Variants in CTNNA2 observed in about 807,000 individuals in gnomAD.
The protein encoded by CTNNA2 is catenin alpha 2, also known as catenin alpha-2.
Under a neutral mutation model 101.0 loss-of-function variants are expected in CTNNA2, and 42 were observed. That is an observed-to-expected ratio of 0.42 (90% confidence interval 0.32 to 0.54). CTNNA2 has a LOEUF of 0.54. CTNNA2 is among the 20% of genes least tolerant of loss of function. The pLI, the probability that CTNNA2 is intolerant of heterozygous loss-of-function variation, is 0.14. For missense variants in CTNNA2, 871 were observed against 1,223.1 expected, an observed-to-expected ratio of 0.71 and a Z score of 4.29; for synonymous variants, 450 against 456.4, an observed-to-expected ratio of 0.99 and a Z score of 0.18.
At chr2:79,740,830 G>GTT (rs10635044) in intron 2 of CTNNA2, among the ~76,000 whole-genome samples, 23,819 of 148,376 alleles carry the variant, frequency 0.16, 2,349 homozygotes, top group Non-Finnish European at 0.23. Context: ...ATTTGAAGAA[G>GTT]TTTTTTTTTT....
At chr2:79,699,052 G>A (rs1684823357) in intron 2 of CTNNA2, among the ~76,000 whole-genome samples, 1 of 152,030 alleles carries the variant, frequency 6.6e-6, no homozygotes, top group South Asian at 2.1e-4. Context: ...TTGTTAGATT[G>A]TGATTTGGCT....
chr2:80,267,407 A>G (rs1673084433), intron 7 of CTNNA2, among the ~76,000 whole-genome samples: 1 of 152,238 alleles, frequency 6.6e-6, no homozygotes, highest in Admixed American at 6.5e-5. Context: ...ATTTGCTGAC[A>G]GCAAAATCTT....
At chr2:80,516,284 A>G (rs1360422582) in intron 9 of CTNNA2, among the ~76,000 whole-genome samples, 1 of 152,222 alleles carries the variant, frequency 6.6e-6, no homozygotes, top group Non-Finnish European at 1.5e-5. Flanking sequence ...GAGAGATGGA[A>G]GATAACAGAA....
At chr2:80,098,238 G>A (rs898631070) in intron 7 of CTNNA2, among the ~76,000 whole-genome samples, 2 of 152,198 alleles carry the variant, frequency 1.3e-5, no homozygotes, top group Admixed American at 1.3e-4. Context: ...AGGACCCTCA[G>A]CTGCAGGTCT....
chr2:79,866,418 A>T (rs900371139), intron 4 of CTNNA2: 3 of 152,214 alleles, frequency 2.0e-5, no homozygotes, highest in African/African-American at 7.2e-5. Flanking sequence ...AATGTCCAAG[A>T]TCATGAGGGC....
chr2:79,764,265 C>T (rs555463440), intron 3 of CTNNA2, among the ~76,000 whole-genome samples: 1 of 152,158 alleles, frequency 6.6e-6, no homozygotes, highest in African/African-American at 2.4e-5. Context: ...AAAGAATGTT[C>T]TCTTCCAAAT....
chr2:79,538,937 T>A (rs1224001580), intron 1 of CTNNA2, among the ~76,000 whole-genome samples: 1 of 152,188 alleles, frequency 6.6e-6, no homozygotes, highest in African/African-American at 2.4e-5. Context: ...TGAGGCCTTA[T>A]GAAGACCTGA....
intron 3 of CTNNA2, chr2:79,340,186 A>T (rs1046374972): frequency 1.3e-5 from 2 of 152,180 alleles, no homozygotes; most frequent in Non-Finnish European, 2.9e-5. Flanking sequence ...TCATGAGTAG[A>T]TGCTGATGAG....
At chr2:79,397,756 T>C (rs1247542976) in intron 4 of CTNNA2, among the ~76,000 whole-genome samples, 1 of 152,072 alleles carries the variant, frequency 6.6e-6, no homozygotes, top group Non-Finnish European at 1.5e-5. Flanking sequence ...CTCAAACTCC[T>C]GGGCTCAAGC....
At chr2:80,463,156 T>C (rs1684588383) in intron 9 of CTNNA2, among the ~76,000 whole-genome samples, 1 of 152,200 alleles carries the variant, frequency 6.6e-6, no homozygotes, top group Non-Finnish European at 1.5e-5. Flanking sequence ...CTAAATACTG[T>C]CTGACAAATC....
chr2:79,548,422 T>A (rs1042416666), intron 1 of CTNNA2, among the ~76,000 whole-genome samples: 1 of 152,236 alleles, frequency 6.6e-6, no homozygotes, highest in Non-Finnish European at 1.5e-5. Context: ...CCTTTCCATT[T>A]CTTCCATTTT....
chr2:80,298,238 T>C (rs1285152949), intron 7 of CTNNA2: 3 of 152,184 alleles, frequency 2.0e-5, no homozygotes, highest in Non-Finnish European at 4.4e-5. Context: ...GGTCATATTC[T>C]AGCTAATTCC....
chr2:79,292,346 T>C (rs1297391155), intron 2 of CTNNA2, among the ~76,000 whole-genome samples: 1 of 152,196 alleles, frequency 6.6e-6, no homozygotes, highest in Non-Finnish European at 1.5e-5. Flanking sequence ...CTGAATGCCA[T>C]AGTTCACTCT....
At chr2:80,618,369 T>A (rs1260115119) in intron 17 of CTNNA2, among the ~76,000 whole-genome samples, 1 of 151,662 alleles carries the variant, frequency 6.6e-6, no homozygotes, top group Admixed American at 6.6e-5. Context: ...AGTTGTATAT[T>A]TGATACACGC....
chr2:80,548,938 T>C (rs1236578964), intron 11 of CTNNA2, among the ~76,000 whole-genome samples: 1 of 152,208 alleles, frequency 6.6e-6, no homozygotes, highest in Non-Finnish European at 1.5e-5. Flanking sequence ...GTCAGGAAAC[T>C]CTATTTAAAA....
intron 7 of CTNNA2, among the ~76,000 whole-genome samples, chr2:79,956,227 A>G (rs548220794): frequency 4.2e-4 from 64 of 152,246 alleles, no homozygotes; most frequent in African/African-American, 1.5e-3. Context: ...AGACTCCAGA[A>G]AATTTTGCTT....
At chr2:80,170,022 C>G (rs1446170910) in intron 7 of CTNNA2, among the ~76,000 whole-genome samples, 2 of 152,180 alleles carry the variant, frequency 1.3e-5, no homozygotes, top group Non-Finnish European at 2.9e-5. Flanking sequence ...CTAGAGGTAG[C>G]AAGAACTCAG....
At chr2:79,573,372 A>G (rs1414760623) in intron 1 of CTNNA2, among the ~76,000 whole-genome samples, 3 of 152,212 alleles carry the variant, frequency 2.0e-5, no homozygotes, top group Non-Finnish European at 2.9e-5. Flanking sequence ...GCAATTAAAG[A>G]TATCTCCTGT....
At chr2:79,895,372 C>T (rs991091604) in intron 6 of CTNNA2, among the ~76,000 whole-genome samples, 3 of 152,086 alleles carry the variant, frequency 2.0e-5, no homozygotes, top group Non-Finnish European at 2.9e-5. Flanking sequence ...AACACATTTC[C>T]TTTTCATATT....
Sources: gnomAD v4.1 joint callset for allele counts (sites outside exome capture counted in the v4.1 genomes callset) on GRCh38, gnomAD v4.1.1 for gene constraint, MANE v1.5 for transcripts, NCBI Gene and HGNC (gene_info 2026-07-23, HGNC 2026-07-21) for gene names.